THRB: variants seen among roughly 807,000 people sequenced by gnomAD.
THRB encodes thyroid hormone receptor beta.
THRB carries 12 observed loss-of-function variants against 47.8 expected under a neutral mutation model. The observed-to-expected ratio is 0.25, with a 90% CI of 0.16 to 0.41. THRB has a LOEUF of 0.41. Among genes scored for constraint, THRB ranks in the 10% least tolerant of loss-of-function variants. THRB has a pLI of 1.00. For synonymous variants in THRB, 218 were observed against 212.2 expected, an observed-to-expected ratio of 1.03 and a Z score of -0.24; for missense variants, 348 against 589.2, an observed-to-expected ratio of 0.59 and a Z score of 4.24.
chr3:24,361,391 T>C (rs998032010), intron 1 of THRB, among the ~76,000 whole-genome samples: 4 of 152,038 alleles, frequency 2.6e-5, no homozygotes, highest in Non-Finnish European at 2.9e-5. Context: ...AAAATAGAGA[T>C]TGTGAAGTCT....
At chr3:24,265,550 A>T (rs900569219) in intron 3 of THRB, among the ~76,000 whole-genome samples, 1 of 152,238 alleles carries the variant, frequency 6.6e-6, no homozygotes, top group African/African-American at 2.4e-5. Context: ...ATGGTACTGT[A>T]TAATAATCAA....
intron 1 of THRB, among the ~76,000 whole-genome samples, chr3:24,480,667 T>A (rs1318548349): frequency 1.3e-5 from 2 of 152,170 alleles, no homozygotes; most frequent in African/African-American, 4.8e-5. Context: ...TTGAATGAAT[T>A]GCTGGTGGGG....
At chr3:24,171,488 A>C (rs2040427650) in intron 5 of THRB, among the ~76,000 whole-genome samples, 1 of 152,166 alleles carries the variant, frequency 6.6e-6, no homozygotes, top group Non-Finnish European at 1.5e-5. Flanking sequence ...CTTCTGAGCT[A>C]TGCATTCCAC....
intron 1 of THRB, among the ~76,000 whole-genome samples, chr3:24,424,531 G>C (rs2069571868): frequency 2.0e-5 from 3 of 151,850 alleles, no homozygotes; most frequent in Admixed American, 1.3e-4. Flanking sequence ...TCTAGGGTAG[G>C]GGGTGGGGCC....
At chr3:24,311,634 G>C (rs1289760113) in intron 2 of THRB, among the ~76,000 whole-genome samples, 1 of 152,048 alleles carries the variant, frequency 6.6e-6, no homozygotes, top group Non-Finnish European at 1.5e-5. Flanking sequence ...CATTCTTATT[G>C]TTCTTTTCAT....
At chr3:24,186,712 G>A (rs900579657) in intron 5 of THRB, among the ~76,000 whole-genome samples, 41 of 152,118 alleles carry the variant, frequency 2.7e-4, no homozygotes, top group Non-Finnish European at 1.5e-4. Context: ...TTGGGAGGCT[G>A]AGGTGGGTGG....
chr3:24,339,734 T>C (rs1212174765), intron 1 of THRB, among the ~76,000 whole-genome samples: 1 of 152,152 alleles, frequency 6.6e-6, no homozygotes, highest in Non-Finnish European at 1.5e-5. Flanking sequence ...CCCCAAACCC[T>C]TCCAACTTAA....
At chr3:24,133,873 C>T (rs984642553) in intron 8 of THRB, among the ~76,000 whole-genome samples, 5 of 152,074 alleles carry the variant, frequency 3.3e-5, no homozygotes, top group African/African-American at 9.7e-5. Context: ...GTGGGCACAC[C>T]GTGGGCAGTG....
At chr3:24,142,233 T>C (rs1041033024) in intron 8 of THRB, among the ~76,000 whole-genome samples, 1 of 152,228 alleles carries the variant, frequency 6.6e-6, no homozygotes, top group African/African-American at 2.4e-5. Flanking sequence ...ATTAACCACA[T>C]CTACCTACAG....
At chr3:24,426,315 G>C (rs1049829517) in intron 1 of THRB, among the ~76,000 whole-genome samples, 16 of 151,984 alleles carry the variant, frequency 1.1e-4, no homozygotes, top group African/African-American at 3.4e-4. Flanking sequence ...TGCTATAGGG[G>C]CCACCACAAT....
chr3:24,161,768 T>G (rs1455139840), intron 5 of THRB, among the ~76,000 whole-genome samples: 1 of 152,100 alleles, frequency 6.6e-6, no homozygotes, highest in African/African-American at 2.4e-5. Context: ...ATTAAAAATG[T>G]GGTTGTAGAG....
intron 4 of THRB, 141 bp from the exon 5 acceptor site, chr3:24,190,475 T>A (rs1163134187): frequency 9.0e-7 from 1 of 1,107,524 alleles, no homozygotes; most frequent in Non-Finnish European, 1.4e-6. Flanking sequence ...AGTGATAAGA[T>A]GCAGAATTTG....
intron 1 of THRB, chr3:24,486,372 T>G (rs1188977877): frequency 1.3e-5 from 2 of 152,226 alleles, no homozygotes; most frequent in African/African-American, 4.8e-5. Context: ...AATTTTTAAA[T>G]GCTCTACCAT....
chr3:24,119,286 T>A lies in THRB; in HGVS notation c.*3598A>T, dbSNP rs1329213752. The A allele has an allele frequency of 6.6e-6, 1 of 152,264 alleles. No homozygotes were observed. Among genetic ancestry groups the A allele is most frequent in the Non-Finnish European group, 1.5e-5 (1 of 68,030 alleles). 9.4% of individuals were successfully genotyped at this position (152,264 alleles called of 1,614,324 possible). ...GGCAAAGAGATTCAAATGTCGATCATCACTCTCCATTTGAGGAGGAACTGT... is the reference window on the plus strand; with the variant it reads ...GGCAAAGAGATTCAAATGTCGATCAACACTCTCCATTTGAGGAGGAACTGT... On this transcript the variant is annotated 3_prime_UTR_variant, in exon 11 of 11. Transcript: ENST00000646209.
intron 2 of THRB, among the ~76,000 whole-genome samples, chr3:24,316,816 C>T (rs1483155071): frequency 1.3e-5 from 2 of 152,134 alleles, no homozygotes; most frequent in South Asian, 2.1e-4. Flanking sequence ...AAAACATCCT[C>T]CACCCCCCAG....
At chr3:24,148,680 G>T (rs2036474785) in intron 6 of THRB, among the ~76,000 whole-genome samples, 1 of 152,184 alleles carries the variant, frequency 6.6e-6, no homozygotes, top group Admixed American at 6.5e-5. Flanking sequence ...TATGATCCCG[G>T]TTAATGTTCT....
At chr3:24,263,201 T>C (rs922314682) in intron 3 of THRB, among the ~76,000 whole-genome samples, 8 of 152,212 alleles carry the variant, frequency 5.3e-5, no homozygotes, top group African/African-American at 1.9e-4. Flanking sequence ...CCTGCTGGAC[T>C]GCTTCCAATT....
At chr3:24,367,793 A>T (rs1028140479) in intron 1 of THRB, among the ~76,000 whole-genome samples, 2 of 152,190 alleles carry the variant, frequency 1.3e-5, no homozygotes, top group Non-Finnish European at 2.9e-5. Context: ...GGCTTGCAGG[A>T]CATCTCTAAA....
chr3:24,414,536 T>C (rs537807194), intron 1 of THRB, among the ~76,000 whole-genome samples: 173 of 151,974 alleles, frequency 1.1e-3, no homozygotes, highest in South Asian at 2.9e-3. Flanking sequence ...CATCCGGACA[T>C]AGCCAAATTA....
Sources: allele counts gnomAD v4.1 joint callset (sites outside exome capture counted in the v4.1 genomes callset), GRCh38; gene constraint gnomAD v4.1.1; transcripts MANE v1.5; gene names NCBI Gene and HGNC (gene_info 2026-07-23, HGNC 2026-07-21).